Variants in ACVR1 observed in about 807,000 individuals in gnomAD.
The protein encoded by ACVR1 is activin receptor type-1.
In ACVR1, 38 loss-of-function variants were observed where a neutral mutation model predicts 57.1. That is an observed-to-expected ratio of 0.67 (90% CI 0.51 to 0.87). The LOEUF (loss-of-function observed/expected upper bound fraction) is 0.87, where lower values mean the gene tolerates loss of function less well. ACVR1 is among the 40% of genes least tolerant of loss of function. The pLI, the probability that ACVR1 is intolerant of heterozygous loss-of-function variation, is 0.00. For missense variants in ACVR1, 463 were observed against 638.2 expected (o/e 0.73, Z 2.96); for synonymous variants, 212 against 228.1 (o/e 0.93, Z 0.63).
chr2:157,873,681 G>A (rs1574175052), intron 1 of ACVR1, among the ~76,000 whole-genome samples: 1 of 152,110 alleles, frequency 6.6e-6, no homozygotes, highest in African/African-American at 2.4e-5. Context: ...ATCCAAGCCT[G>A]AGAATTACCT....
intron 2 of ACVR1, among the ~76,000 whole-genome samples, chr2:157,817,928 G>A (rs1688002401): frequency 6.6e-6 from 1 of 150,868 alleles, no homozygotes; most frequent in African/African-American, 2.4e-5. Flanking sequence ...CGTGACCCTG[G>A]GAGGTGGAGG....
chr2:157,802,829 A>T (rs1172691233), intron 2 of ACVR1, among the ~76,000 whole-genome samples: 4 of 152,196 alleles, frequency 2.6e-5, no homozygotes, highest in Non-Finnish European at 5.9e-5. Flanking sequence ...ATTCCACGGG[A>T]GGAAAATCTA....
At chr2:157,761,130 G>T in intron 8 of ACVR1, 53 bp from the exon 9 acceptor site, 1 of 1,586,384 alleles carries the variant, frequency 6.3e-7, no homozygotes. Context: ...CTCATAAGAG[G>T]CTGCTGAAGG....
At chr2:157,836,853 C>T (rs1688800850) in intron 1 of ACVR1, among the ~76,000 whole-genome samples, 1 of 152,186 alleles carries the variant, frequency 6.6e-6, no homozygotes, top group Non-Finnish European at 1.5e-5. Flanking sequence ...ACAACACCAG[C>T]ATTCTGAAGG....
chr2:157,835,399 A>C (rs569326372), intron 1 of ACVR1, among the ~76,000 whole-genome samples: 1 of 152,368 alleles, frequency 6.6e-6, no homozygotes, highest in East Asian at 1.9e-4. Context: ...AAGCACTCAC[A>C]ACAGAACATG....
At chr2:157,813,132 C>T (rs2105322907) in intron 2 of ACVR1, among the ~76,000 whole-genome samples, 1 of 151,364 alleles carries the variant, frequency 6.6e-6, no homozygotes, top group South Asian at 2.1e-4. Context: ...AACACACACA[C>T]ACAAGTAATA....
At chr2:157,848,989 T>C (rs1275806771) in intron 1 of ACVR1, among the ~76,000 whole-genome samples, 2 of 152,194 alleles carry the variant, frequency 1.3e-5, no homozygotes, top group African/African-American at 4.8e-5. Context: ...GAATAATCTG[T>C]CATCTAATCT....
At chr2:157,791,642 G>A (rs922107995) in intron 3 of ACVR1, among the ~76,000 whole-genome samples, 5 of 152,284 alleles carry the variant, frequency 3.3e-5, no homozygotes, top group Admixed American at 6.5e-5. Flanking sequence ...ACAGAGAGGC[G>A]AAGGAGAATA....
chr2:157,804,821 A>G (rs1456735028), intron 2 of ACVR1, among the ~76,000 whole-genome samples: 1 of 152,266 alleles, frequency 6.6e-6, no homozygotes, highest in African/African-American at 2.4e-5. Flanking sequence ...TCACCAGGGT[A>G]GTACAAAACG....
Position 157,760,876 on chromosome 2 carries a change from C to A in ACVR1, c.1264+4G>T. ...GACAATATTATATTAGATTAGATAC[C>A]TACCATTGCTCACCATCCGCCTGGC... On this transcript the variant is annotated splice_donor_region_variant and intron_variant, in intron 9 of 10. Coordinates refer to ENST00000434821, the MANE Select transcript of ACVR1 (RefSeq NM_001111067.4). The A allele has an allele frequency of 6.2e-7, 1 of 1,613,812 alleles. No homozygotes were observed. Among genetic ancestry groups the A allele is most frequent in the South Asian group, 1.1e-5 (1 of 91,056 alleles).
At position 157,804,595 on chromosome 2, in the gene ACVR1, G is replaced by A. The variant is rs1028009761; in HGVS notation, c.-7-5095C>T. On this transcript the variant is annotated intron_variant, in intron 2 of 10. Coordinates refer to ENST00000434821, the MANE Select transcript of ACVR1 (RefSeq NM_001111067.4). The stretch of plus-strand genomic sequence containing the variant: ...GTATGAATCCGTGCCTCTCGTGTAC[G>A]CACATCTCCCTTCTGTTCTTGGATA... Among the ~76,000 whole-genome samples the A allele has an allele frequency of 2.6e-5, 4 of 152,084 alleles. No individual in the cohort carries two copies. The South Asian group carries it at 8.3e-4, about 32-fold the overall frequency.
chr2:157,869,553 T>C (rs1298573203), intron 1 of ACVR1, among the ~76,000 whole-genome samples: 1 of 152,252 alleles, frequency 6.6e-6, no homozygotes, highest in Non-Finnish European at 1.5e-5. Flanking sequence ...GTAATTCAGC[T>C]TTATTTTTAA....
intron 3 of ACVR1, among the ~76,000 whole-genome samples, chr2:157,795,051 G>T (rs1045794954): frequency 2.0e-5 from 3 of 151,548 alleles, no homozygotes; most frequent in Non-Finnish European, 4.4e-5. Flanking sequence ...AAATCTCTAT[G>T]ACTCTCTTAT....
intron 3 of ACVR1, among the ~76,000 whole-genome samples, chr2:157,783,210 C>T (rs1244574472): frequency 6.6e-6 from 1 of 152,204 alleles, no homozygotes; most frequent in African/African-American, 2.4e-5. Context: ...ACAATCATTT[C>T]TCTAATGTGC....
At chr2:157,746,054 A>G (rs1243711341) in intron 9 of ACVR1, among the ~76,000 whole-genome samples, 1 of 152,206 alleles carries the variant, frequency 6.6e-6, no homozygotes. Context: ...TCCATCACAA[A>G]ATAATCAAAG....
At chr2:157,769,946 T>C (rs1686013271) in intron 7 of ACVR1, among the ~76,000 whole-genome samples, 1 of 152,224 alleles carries the variant, frequency 6.6e-6, no homozygotes, top group Non-Finnish European at 1.5e-5. Flanking sequence ...TTTGAGGGAA[T>C]GTGCATTTAA....
At chr2:157,770,875 G>A (rs999848929) in intron 6 of ACVR1, among the ~76,000 whole-genome samples, 5 of 152,094 alleles carry the variant, frequency 3.3e-5, no homozygotes, top group African/African-American at 4.8e-5. Context: ...CTTAGGAAAT[G>A]GTACAGATTA....
intron 2 of ACVR1, among the ~76,000 whole-genome samples, chr2:157,803,122 A>G (rs187830754): frequency 3.4e-5 from 5 of 148,512 alleles, no homozygotes; most frequent in African/African-American, 1.2e-4. Context: ...TTTTACTATT[A>G]AAAAAAAAAA....
chr2:157,796,837 CA>C (rs772205583), intron 3 of ACVR1, among the ~76,000 whole-genome samples: 2 of 152,098 alleles, frequency 1.3e-5, no homozygotes, highest in Non-Finnish European at 2.9e-5. Context: ...AATATAAGCC[CA>C]TTTCCTCGTA....
Sources: allele counts gnomAD v4.1 joint callset (sites outside exome capture counted in the v4.1 genomes callset), GRCh38; gene constraint gnomAD v4.1.1; transcripts MANE v1.5; gene names NCBI Gene and HGNC (gene_info 2026-07-23, HGNC 2026-07-21).